The following PLXDC2 variants were observed in gnomAD, a reference collection of about 807,000 sequenced individuals.
PLXDC2 encodes the protein plexin domain containing 2.
In PLXDC2, 40 loss-of-function variants were observed where a neutral mutation model predicts 68.9. The ratio of observed to expected loss-of-function variants is 0.58; its 90% CI spans 0.45 to 0.76. The LOEUF (loss-of-function observed/expected upper bound fraction) is 0.76. PLXDC2 is among the 30% of genes least tolerant of loss of function. The pLI, the probability that PLXDC2 is intolerant of heterozygous loss-of-function variation, is 0.00. For synonymous variants in PLXDC2, 243 were observed against 234.2 expected, an observed-to-expected ratio of 1.04 and a Z score of -0.34; for missense variants, 644 against 661.9, an observed-to-expected ratio of 0.97 and a Z score of 0.30.
intron 4 of PLXDC2, among the ~76,000 whole-genome samples, chr10:20,127,186 A>G (rs183201645): frequency 2.9e-4 from 44 of 152,214 alleles, no homozygotes; most frequent in African/African-American, 1.0e-3. Context: ...ACTCCTTTTG[A>G]GCTTTTTTCC....
intron 3 of PLXDC2, among the ~76,000 whole-genome samples, chr10:20,058,514 T>G (rs1297997326): frequency 6.6e-6 from 1 of 152,210 alleles, no homozygotes; most frequent in Non-Finnish European, 1.5e-5. Flanking sequence ...ATACAATGCT[T>G]AAAGCAATAC....
At position 19,817,057 on chromosome 10, in the gene PLXDC2, G is replaced by C. The variant is rs1216782416; in HGVS notation, c.-23G>C. 1.3e-6 allele frequency: 2 copies of C among 1,490,800 alleles called. No individual in the cohort carries two copies. Among genetic ancestry groups the C allele is most frequent in the African/African-American group, 2.9e-5 (2 of 68,758 alleles). The allele number at this position is 1,490,800 out of a possible 1,614,324, so 92.3% of individuals were successfully genotyped here. A position where few individuals can be genotyped will look rare whatever the true frequency, so the allele number is the denominator to read the frequency against. On this transcript the variant is annotated 5_prime_UTR_variant, in exon 1 of 14. Transcript: ENST00000377252. The stretch of plus-strand genomic sequence containing the variant: ...GCACCGGCGAAGGACTGGCGGGTGG[G>C]GTAGGGAGGTGGCGGCGGCGGCATG...
intron 2 of PLXDC2, among the ~76,000 whole-genome samples, chr10:20,003,874 G>A (rs1834981860): frequency 6.6e-6 from 1 of 152,164 alleles, no homozygotes; most frequent in Admixed American, 6.5e-5. Flanking sequence ...TACTGCCAAG[G>A]CTGTGGTGTG....
intron 2 of PLXDC2, among the ~76,000 whole-genome samples, chr10:20,016,449 A>G (rs1835212499): frequency 6.6e-6 from 1 of 152,244 alleles, no homozygotes; most frequent in Non-Finnish European, 1.5e-5. Flanking sequence ...TGAATAGTGA[A>G]GTAGAATATG....
chr10:19,867,498 G>A (rs984518108), intron 1 of PLXDC2, among the ~76,000 whole-genome samples: 3 of 152,112 alleles, frequency 2.0e-5, no homozygotes, highest in Non-Finnish European at 2.9e-5. Flanking sequence ...GCCAAACATC[G>A]GGTAACTTTA....
chr10:20,194,482 G>A (rs1027474460), intron 9 of PLXDC2, among the ~76,000 whole-genome samples: 2 of 151,920 alleles, frequency 1.3e-5, no homozygotes, highest in Non-Finnish European at 2.9e-5. Flanking sequence ...AAGTTTGAAC[G>A]ATTAGTAGAA....
chr10:20,241,635 C>T (rs540870864), intron 12 of PLXDC2, among the ~76,000 whole-genome samples: 1 of 152,140 alleles, frequency 6.6e-6, no homozygotes, highest in East Asian at 1.9e-4. Flanking sequence ...AAAAATTAAC[C>T]AGGCATGGTG....
intron 1 of PLXDC2, among the ~76,000 whole-genome samples, chr10:19,849,570 C>T (rs1043377364): frequency 8.5e-5 from 13 of 152,158 alleles, no homozygotes; most frequent in Admixed American, 4.6e-4. Flanking sequence ...TATAGTGGGC[C>T]TTTCCCCCTT....
At chr10:19,864,817 G>A (rs1438006073) in intron 1 of PLXDC2, among the ~76,000 whole-genome samples, 1 of 152,174 alleles carries the variant, frequency 6.6e-6, no homozygotes, top group Admixed American at 6.5e-5. Context: ...ACTCAGGAAG[G>A]AATTCACGTC....
intron 1 of PLXDC2, among the ~76,000 whole-genome samples, chr10:19,839,742 G>A (rs1836868963): frequency 6.6e-6 from 1 of 151,874 alleles, no homozygotes; most frequent in South Asian, 2.1e-4. Context: ...AGATACTAGA[G>A]ATACTCGACA....
At chr10:20,060,769 T>C (rs1453426010) in intron 3 of PLXDC2, among the ~76,000 whole-genome samples, 2 of 152,334 alleles carry the variant, frequency 1.3e-5, no homozygotes, top group East Asian at 3.9e-4. Flanking sequence ...TATGTTGTTA[T>C]GTCTACTAAG....
At chr10:20,151,544 G>A (rs566866959) in intron 6 of PLXDC2, among the ~76,000 whole-genome samples, 1 of 152,234 alleles carries the variant, frequency 6.6e-6, no homozygotes, top group African/African-American at 2.4e-5. Context: ...TTAATTTGAT[G>A]ATCCCAAGAC....
At position 19,914,883 on chromosome 10, in the gene PLXDC2, T is replaced by C. The variant is rs184157097; in HGVS notation, c.113-86892T>C. 1.9e-4 allele frequency among the ~76,000 whole-genome samples: 29 copies of C among 152,316 alleles called. 1 individual carries two copies. Among genetic ancestry groups the C allele is most frequent in the Non-Finnish European group, 4.1e-4 (28 of 68,018 alleles). On this transcript the variant is annotated intron_variant, in intron 1 of 13. Transcript: ENST00000377252. ...CCCTTTCTGTCTCTGGTAATTTTCATTGGTCTGAAGTCTACTTTATGTGGT... is the reference window on the plus strand; with the variant it reads ...CCCTTTCTGTCTCTGGTAATTTTCACTGGTCTGAAGTCTACTTTATGTGGT...
chr10:20,146,549 G>A (rs922177244), intron 5 of PLXDC2, among the ~76,000 whole-genome samples: 1 of 78,262 alleles, frequency 1.3e-5, no homozygotes, highest in Non-Finnish European at 2.4e-5. Context: ...CCTCCCTCAG[G>A]ACAATATAGA....
Position 20,217,438 on chromosome 10 carries a change from A to T in PLXDC2, c.1135A>T (p.Met379Leu). ...SGCPEESKEK[M>L]CENTEPVETS... ...TTTCTCTTACTAGTCAAAAGAGAAG[A>T]TGTGTGAGAATACAGAACCAGTGGA... Residue 379 changes from methionine (M) to leucine (L), a missense_variant, in exon 11 of 14, where the codon ATG (methionine) becomes TTG (leucine). Coordinates refer to ENST00000377252, the MANE Select transcript of PLXDC2 (RefSeq NM_032812.9). 1 of 1,610,694 alleles carries T rather than the reference A, an allele frequency of 6.2e-7. No individual in the cohort carries two copies. The highest frequency in any genetic ancestry group is 8.5e-7 in the Non-Finnish European group (1 of 1,178,336).
chr10:19,836,363 C>A (rs1019551938), intron 1 of PLXDC2, among the ~76,000 whole-genome samples: 1 of 152,134 alleles, frequency 6.6e-6, no homozygotes, highest in African/African-American at 2.4e-5. Context: ...TACAGGAAAC[C>A]ATGTTAGGAT....
At chr10:19,934,615 C>A (rs185406698) in intron 1 of PLXDC2, among the ~76,000 whole-genome samples, 38 of 152,300 alleles carry the variant, frequency 2.5e-4, no homozygotes, top group African/African-American at 8.9e-4. Context: ...CTATAATTTG[C>A]TGAGGTGTTT....
At chr10:20,178,822 G>A (rs749050910) in intron 9 of PLXDC2, among the ~76,000 whole-genome samples, 12 of 152,002 alleles carry the variant, frequency 7.9e-5, no homozygotes, top group Middle Eastern at 3.2e-3. Context: ...TTAACAGGGC[G>A]TTCTAGTTAT....
chr10:20,246,550 A>G (rs1267021257), intron 13 of PLXDC2, among the ~76,000 whole-genome samples: 2 of 152,194 alleles, frequency 1.3e-5, no homozygotes, highest in Non-Finnish European at 2.9e-5. Flanking sequence ...GGGCTTTGCC[A>G]TGTTGGCCAG....
Sources: gnomAD v4.1 joint callset for allele counts (sites outside exome capture counted in the v4.1 genomes callset) on GRCh38, gnomAD v4.1.1 for gene constraint, MANE v1.5 for transcripts, NCBI Gene and HGNC (gene_info 2026-07-23, HGNC 2026-07-21) for gene names.